Variants in ZNF474 observed in about 807,000 individuals in gnomAD.
ZNF474 encodes the protein 4933409D10Rik.
For missense variants in ZNF474, 511 were observed against 433.8 expected, an observed-to-expected ratio of 1.18 and a Z score of -1.58; for synonymous variants, 192 against 162.2, an observed-to-expected ratio of 1.18 and a Z score of -1.39.
chr5:122,135,744 T>C (rs1319471738), intron 1 of ZNF474, among the ~76,000 whole-genome samples: 2 of 152,154 alleles, frequency 1.3e-5, no homozygotes, highest in African/African-American at 4.8e-5. Flanking sequence ...TCAAGATAAG[T>C]GTCCATCAGT....
intron 1 of ZNF474, among the ~76,000 whole-genome samples, chr5:122,133,717 G>A (rs1415487095): frequency 1.3e-5 from 2 of 151,996 alleles, no homozygotes; most frequent in Non-Finnish European, 2.9e-5. Flanking sequence ...GCACCACCAT[G>A]CCTGGCTAAT....
chr5:122,133,409 A>G (rs946213360), intron 1 of ZNF474, among the ~76,000 whole-genome samples: 2 of 152,236 alleles, frequency 1.3e-5, no homozygotes, highest in African/African-American at 4.8e-5. Context: ...TTACGAATTG[A>G]CAGAAAATTA....
intron 1 of ZNF474, among the ~76,000 whole-genome samples, chr5:122,142,443 G>A (rs1043880761): frequency 6.6e-6 from 1 of 152,166 alleles, no homozygotes; most frequent in Non-Finnish European, 1.5e-5. Flanking sequence ...GTGGAAGGAG[G>A]CTTTCTATAA....
Position 122,147,310 on chromosome 5 carries a change from T to C in ZNF474, c.-212-4469T>C, listed in dbSNP as rs575627318. Among the ~76,000 whole-genome samples the C allele has an allele frequency of 1.1e-4, 16 of 152,316 alleles. No homozygotes were observed. The South Asian group carries it at 2.7e-3, about 26-fold the overall frequency. On this transcript the variant is annotated intron_variant, in intron 1 of 1. Transcript: ENST00000296600. ...TTATGTTTTTGTTCATTTAAAGAAT[T>C]TGAATTCAATACTAATAGAGAAGGG...
In ZNF474 at chr5:122,152,621, G is replaced by A. The variant is rs116805237; in HGVS notation, c.631G>A (p.Ala211Thr). 6.2e-7 allele frequency: 1 copy of A among 1,614,182 alleles called. No homozygotes were observed. Among genetic ancestry groups the A allele is most frequent in the Admixed American group, 1.7e-5 (1 of 60,028 alleles). The change falls in exon 2 of 2, where the codon GCT becomes ACT. Residue 211 changes from alanine (A) to threonine (T), a missense_variant. By Grantham distance (58) the Ala-to-Thr change is moderately conservative. Transcript: ENST00000296600. ...TGATCATCTTACTGGCCTCAAGAAA[G>A]CTTGTAGTGGAACCCCAGCCCGACC... ...SSDHLTGLKKACSGTPARPRT... is the reference protein window; with the variant it reads ...SSDHLTGLKKTCSGTPARPRT...
rs115982047 is a variant in ZNF474, at chr5:122,144,230, T to C, written c.-212-7549T>C. 7.6e-3 allele frequency among the ~76,000 whole-genome samples: 1,158 copies of C among 152,286 alleles called. 16 individuals carry two copies. The highest frequency in any genetic ancestry group is 0.026 in the African/African-American group (1,084 of 41,564). ...AATATTTACTAATAAATATGTTGTATTTATAACAATTATATCCTAGAAGAC... is the reference window on the plus strand; with the variant it reads ...AATATTTACTAATAAATATGTTGTACTTATAACAATTATATCCTAGAAGAC... On this transcript the variant is annotated intron_variant, in intron 1 of 1. Coordinates refer to ENST00000296600, the MANE Select transcript of ZNF474 (RefSeq NM_207317.3).
At chr5:122,138,753 A>G (rs1002808968) in intron 1 of ZNF474, among the ~76,000 whole-genome samples, 11 of 152,024 alleles carry the variant, frequency 7.2e-5, no homozygotes, top group African/African-American at 2.7e-4. Context: ...TATGGAGAGG[A>G]ATGCATAAGG....
chr5:122,144,086 A>G (rs1046774548), intron 1 of ZNF474, among the ~76,000 whole-genome samples: 1 of 152,130 alleles, frequency 6.6e-6, no homozygotes, highest in African/African-American at 2.4e-5. Flanking sequence ...TAACTTATGA[A>G]AATTCCTTCT....
At chr5:122,150,328 A>G (rs1214339965) in intron 1 of ZNF474, among the ~76,000 whole-genome samples, 1 of 152,190 alleles carries the variant, frequency 6.6e-6, no homozygotes, top group Non-Finnish European at 1.5e-5. Flanking sequence ...GAATCTGTCA[A>G]AATGAAGAAT....
At chr5:122,135,608 C>T (rs1227264201) in intron 1 of ZNF474, among the ~76,000 whole-genome samples, 1 of 152,068 alleles carries the variant, frequency 6.6e-6, no homozygotes, top group Non-Finnish European at 1.5e-5. Context: ...AAGAGTAGAA[C>T]TACAATATGA....
At chr5:122,130,750 A>G (rs946876406) in intron 1 of ZNF474, among the ~76,000 whole-genome samples, 5 of 152,292 alleles carry the variant, frequency 3.3e-5, no homozygotes, top group Middle Eastern at 3.4e-3. Context: ...GGGGTTTCTC[A>G]TGAAATGTGT....
intron 1 of ZNF474, among the ~76,000 whole-genome samples, chr5:122,130,732 A>G (rs1755556019): frequency 1.3e-5 from 2 of 152,114 alleles, no homozygotes; most frequent in Admixed American, 6.6e-5. Context: ...TAAAAATCAC[A>G]TGTATTTGGG....
chr5:122,147,319 A>G (rs917196073), intron 1 of ZNF474, among the ~76,000 whole-genome samples: 5 of 152,234 alleles, frequency 3.3e-5, no homozygotes, highest in Admixed American at 6.5e-5. Flanking sequence ...TTTGAATTCA[A>G]TACTAATAGA....
intron 1 of ZNF474, among the ~76,000 whole-genome samples, chr5:122,141,149 T>TTTGAA (rs1561439540): frequency 2.2e-4 from 12 of 55,042 alleles, no homozygotes; most frequent in South Asian, 6.8e-4. Context: ...TATTTTATTT[T>TTTGAA]ATTTTATTTT....
intron 1 of ZNF474, 101 bp from the exon 2 acceptor site, chr5:122,151,676 AGC>A: frequency 1.1e-5 from 2 of 175,814 alleles, no homozygotes; most frequent in Non-Finnish European, 2.4e-5. Context: ...GCAAAAAAAA[AGC>A]ACACACACAC....
rs768440282 is a variant in ZNF474 at position 122,152,073 on chromosome 5, A to G, written c.83A>G (p.Asn28Ser). The G allele has an allele frequency of 2.5e-5, 41 of 1,614,158 alleles. No homozygotes were observed. The highest frequency in any genetic ancestry group is 1.6e-4 in the Middle Eastern group (1 of 6,062). ...HHSKEPTFLI[N>S]QAGLLSSDSY... ...TCTAAAGAACCCACTTTCCTTATCAACCAAGCTGGGCTTCTCTCTAGTGAC... is the reference window on the plus strand; with the variant it reads ...TCTAAAGAACCCACTTTCCTTATCAGCCAAGCTGGGCTTCTCTCTAGTGAC... Residue 28 changes from asparagine (N) to serine (S), a missense_variant, in exon 2 of 2, where the codon AAC (asparagine) becomes AGC (serine). By Grantham distance (46) the Asn-to-Ser change is conservative. Transcript: ENST00000296600.
At chr5:122,147,733 A>G (rs1756028857) in intron 1 of ZNF474, 1 of 152,102 alleles carries the variant, frequency 6.6e-6, no homozygotes, top group Non-Finnish European at 1.5e-5. Context: ...TTATTTTTTA[A>G]AAGATATGAT....
intron 1 of ZNF474, among the ~76,000 whole-genome samples, chr5:122,137,373 G>A (rs1414359570): frequency 6.9e-6 from 1 of 145,490 alleles, no homozygotes; most frequent in Non-Finnish European, 1.5e-5. Context: ...GCTTGAACCT[G>A]GAGCCAGAGG....
chr5:122,140,668 G>T (rs999623692), intron 1 of ZNF474, among the ~76,000 whole-genome samples: 1 of 152,082 alleles, frequency 6.6e-6, no homozygotes, highest in African/African-American at 2.4e-5. Flanking sequence ...AAGAGTAAGG[G>T]ACCCCCATCT....
Sources: allele counts gnomAD v4.1 joint callset (sites outside exome capture counted in the v4.1 genomes callset), GRCh38; gene constraint gnomAD v4.1.1; transcripts MANE v1.5; gene names NCBI Gene and HGNC (gene_info 2026-07-23, HGNC 2026-07-21).